The following NR1D1 variants were observed in gnomAD, a reference collection of about 807,000 sequenced individuals.
NR1D1 encodes the protein nuclear receptor subfamily 1 group D member 1, also known as Rev-ErbAalpha.
NR1D1 carries 17 observed loss-of-function variants against 51.1 expected under a neutral mutation model. The ratio of observed to expected loss-of-function variants is 0.33; its 90% CI spans 0.23 to 0.50. The LOEUF is 0.50. Among genes scored for constraint, NR1D1 ranks in the 20% least tolerant of loss-of-function variants. The pLI, the probability that NR1D1 is intolerant of heterozygous loss-of-function variation, is 0.98. For synonymous variants in NR1D1, 341 were observed against 333.4 expected, an observed-to-expected ratio of 1.02 and a Z score of -0.25; for missense variants, 647 against 830.4, an observed-to-expected ratio of 0.78 and a Z score of 2.71.
In NR1D1 at chr17:40,100,045, A is replaced by T; in HGVS notation, c.31+19T>A. 6.3e-7 allele frequency: 1 copy of T among 1,578,948 alleles called. No individual in the cohort carries two copies. Among genetic ancestry groups the T allele is most frequent in the South Asian group, 1.1e-5 (1 of 90,326 alleles). On this transcript the variant is annotated intron_variant, in intron 1 of 7. Coordinates refer to ENST00000246672, the MANE Select transcript of NR1D1 (RefSeq NM_021724.5). ...GAGACAGTGACAGGGAAAAGATGAT[A>T]GTAAAGAAATCTCAGTACCTGTGTT... is the stretch of plus-strand genomic sequence containing the variant.
Position 40,100,172 on chromosome 17 carries a change from T to G in NR1D1, c.-78A>C. 14 of 1,137,314 alleles carry G rather than the reference T, an allele frequency of 1.2e-5. No individual in the cohort carries two copies. Among genetic ancestry groups the G allele is most frequent in the Non-Finnish European group, 1.9e-5 (14 of 747,058 alleles). The allele number at this position is 1,137,314 out of a possible 1,614,324, so 70.5% of individuals were successfully genotyped here. ...GGTTGCGATCGCCGCTGTTGCCCCCTGGGCACTGGCTAAGGGCGGGGAGTG... is the reference window on the plus strand; with the variant it reads ...GGTTGCGATCGCCGCTGTTGCCCCCGGGGCACTGGCTAAGGGCGGGGAGTG... On this transcript the variant is annotated 5_prime_UTR_variant, in exon 1 of 8. Coordinates refer to ENST00000246672, the MANE Select transcript of NR1D1 (RefSeq NM_021724.5).
intron 4 of NR1D1, 112 bp downstream of exon 4, chr17:40,096,331 C>A: frequency 6.7e-7 from 1 of 1,496,142 alleles, no homozygotes; most frequent in Non-Finnish European, 9.2e-7. Context: ...CATCCCCTGG[C>A]ACATGTGATT....
chr17:40,099,420 T>C (rs1987831852), intron 1 of NR1D1, among the ~76,000 whole-genome samples: 1 of 152,266 alleles, frequency 6.6e-6, no homozygotes, highest in South Asian at 2.1e-4. Context: ...CGGCTTCTGC[T>C]GAATGAAAAC....
chr17:40,095,048 T>G lies in NR1D1; in HGVS notation c.1321A>C (p.Met441Leu). ...TVQEIWEDFS[M>L]SFTPAVREVV... ...TCCCGCACAGCGGGCGTGAAGCTCA[T>G]GGAGAAATCCTCCCAGATCTCCTGC... is the stretch of plus-strand genomic sequence containing the variant. Residue 441 changes from methionine to leucine, a missense_variant, in exon 6 of 8, where the codon ATG (methionine) becomes CTG (leucine). Transcript: ENST00000246672. The G allele has an allele frequency of 6.2e-7, 1 of 1,614,102 alleles. No homozygotes were observed. Among genetic ancestry groups the G allele is most frequent in the South Asian group, 1.1e-5 (1 of 91,080 alleles).
rs201026689 is a variant in NR1D1 at position 40,097,359 on chromosome 17, G to A, written c.76C>T (p.Arg26Cys). The A allele has an allele frequency of 2.0e-5, 32 of 1,612,408 alleles. No individual in the cohort carries two copies. The highest frequency in any genetic ancestry group is 4.4e-5 in the South Asian group (4 of 91,004). ...CTATAGAGGGATTCAGGGCTGGTGC[G>A]GCTTGGGGAGGAGCCACTGGAGCCA... The part of the protein sequence containing the change: ...YIGSSGSSPS[R>C]TSPESLYSDN... Residue 26 changes from arginine to cysteine, a missense_variant, in exon 2 of 8, where the codon CGC becomes TGC. By Grantham distance (180) the Arg-to-Cys change is radical (BLOSUM62 -3). Coordinates refer to ENST00000246672, the MANE Select transcript of NR1D1 (RefSeq NM_021724.5).
rs1312295061 is a variant in NR1D1, at chr17:40,093,225, C to A, written c.1703G>T (p.Arg568Leu). The change falls in exon 8 of 8, where the codon CGG (arginine) becomes CTG (leucine). Residue 568 changes from arginine to leucine, a missense_variant. Around this residue, in one of 7 missense-constraint regions of NR1D1, gnomAD observed 155 missense variants for 236.8 expected, o/e 0.65. Coordinates refer to ENST00000246672, the MANE Select transcript of NR1D1 (RefSeq NM_021724.5). This position sits in a 1 kb window ranked among gnomAD's most constrained non-coding sequence, Gnocchi z 5.9. ...CTTCAGCACCAGAGCCCGAAGAGCC[C>A]GCAGCAGCGTCTCCTGGAGCTGCTC... ...SVEQLQETLL[R>L]ALRALVLKNR... 6.2e-7 allele frequency: 1 copy of A among 1,613,662 alleles called. No individual in the cohort carries two copies.
In NR1D1 at chr17:40,095,447, C is replaced by G; in HGVS notation, c.1245G>C (p.Leu415=). 1 of 1,524,790 alleles carries G rather than the reference C, an allele frequency of 6.6e-7. No individual in the cohort carries two copies. 94.5% of individuals were successfully genotyped at this position (1,524,790 alleles called of 1,614,324 possible). ...SPRQGNSKNV[L]LACPMNMYPH... is the part of the protein sequence containing the mutation. ...TCGCCCGCCCCCATGCCCTTACCAG[C>G]AGAACATTCTTTGAGTTGCCCTGCC... The change falls in exon 5 of 8, where the codon CTG becomes CTC. Residue 415 remains leucine (L), a synonymous_variant. Transcript: ENST00000246672.
Position 40,096,091 on chromosome 17 carries a change from C to T in NR1D1, c.605-4G>A. 1 of 1,611,474 alleles carries T rather than the reference C, an allele frequency of 6.2e-7. No homozygotes were observed. Among genetic ancestry groups the T allele is most frequent in the Non-Finnish European group, 8.5e-7 (1 of 1,179,288 alleles). On this transcript the variant is annotated splice_polypyrimidine_tract_variant and splice_region_variant and intron_variant, in intron 4 of 7. Coordinates refer to ENST00000246672, the MANE Select transcript of NR1D1 (RefSeq NM_021724.5). Reference sequence around the variant, plus strand: ...GGGATGCGCCCAAAACGCACAGCTGCAACAGGATGAGAACAGCATCAGGAA... The same window carrying T: ...GGGATGCGCCCAAAACGCACAGCTGTAACAGGATGAGAACAGCATCAGGAA...
chr17:40,095,407 ATCT>A (rs762493497), intron 5 of NR1D1, 34 bp downstream of exon 5: 404 of 1,509,770 alleles, frequency 2.7e-4, no homozygotes, highest in Admixed American at 1.6e-4. Context: ...GGCCCCCCCA[ATCT>A]TCTTAACGCA....
At position 40,100,524 on chromosome 17, in the gene NR1D1, G is replaced by A. The variant is rs992711864; in HGVS notation, c.-430C>T. On this transcript the variant is annotated 5_prime_UTR_variant, in exon 1 of 8. Transcript: ENST00000246672. ...TAAGTAGGTGATGGGGAGAAACGGGGCACCGAGTCGCAAAGAGGCGAGACG... is the reference window on the plus strand; with the variant it reads ...TAAGTAGGTGATGGGGAGAAACGGGACACCGAGTCGCAAAGAGGCGAGACG... The A allele has an allele frequency of 1.1e-5, 5 of 443,926 alleles. No homozygotes were observed. Among genetic ancestry groups the A allele is most frequent in the African/African-American group, 1.0e-4 (5 of 49,812 alleles). 27.5% of individuals were successfully genotyped at this position (443,926 alleles called of 1,614,324 possible).
At chr17:40,096,130 C>A (rs1987757617) in intron 4 of NR1D1, 43 bp from the exon 5 acceptor site, 2 of 1,588,232 alleles carry the variant, frequency 1.3e-6, no homozygotes, top group Non-Finnish European at 1.7e-6. Context: ...CTCAACCATG[C>A]TCACGTGCTT....
Position 40,100,346 on chromosome 17 carries a change from C to T in NR1D1, c.-252G>A, listed in dbSNP as rs989943876. 3.3e-6 allele frequency: 2 copies of T among 601,360 alleles called. No individual in the cohort carries two copies. Among genetic ancestry groups the T allele is most frequent in the South Asian group, 2.0e-5 (1 of 51,080 alleles). The allele number at this position is 601,360 out of a possible 1,614,324, so 37.3% of individuals were successfully genotyped here. On this transcript the variant is annotated 5_prime_UTR_variant, in exon 1 of 8. Coordinates refer to ENST00000246672, the MANE Select transcript of NR1D1 (RefSeq NM_021724.5). ...AGAGAGAGTGTGTAGGGGGAATCAG[C>T]CTGCAGTAGTTCTGGCTAGAAGGTA...
chr17:40,096,875 G>C, intron 2 of NR1D1, 96 bp from the exon 3 acceptor site: 3 of 1,353,612 alleles, frequency 2.2e-6, no homozygotes, highest in Non-Finnish European at 3.1e-6. Context: ...GGAGGGAAAA[G>C]CTAAGGAGGA....
chr17:40,100,006 T>G (rs2145106848), intron 1 of NR1D1, 58 bp downstream of exon 1: 2 of 1,255,846 alleles, frequency 1.6e-6, no homozygotes, highest in Non-Finnish European at 2.3e-6. Flanking sequence ...TTATAAGGCG[T>G]AGATGGAGGT....
intron 6 of NR1D1, among the ~76,000 whole-genome samples, chr17:40,094,526 ATACTGGG>A: frequency 6.6e-6 from 1 of 152,348 alleles, no homozygotes; most frequent in Admixed American, 6.5e-5. Context: ...AAGGACAAAG[ATACTGGG>A]TTCCAAAACC....
intron 4 of NR1D1, 68 bp downstream of exon 4, chr17:40,096,375 T>A: frequency 6.2e-7 from 1 of 1,607,444 alleles, no homozygotes; most frequent in Non-Finnish European, 8.5e-7. Flanking sequence ...GTGACTTTTT[T>A]AAAGGGAAGG....
Position 40,094,115 on chromosome 17 carries a change from A to C in NR1D1, c.1442T>G (p.Met481Arg). ...GTTGAACAACGAAGCAAAGCGCACCATCAGCACCTAGGAGGGAAGGGGAAC... is the reference window on the plus strand; with the variant it reads ...GTTGAACAACGAAGCAAAGCGCACCCTCAGCACCTAGGAGGGAAGGGGAAC... ...LLKAGTFEVL[M>R]VRFASLFNVK... Residue 481 changes from methionine (M) to arginine (R), a missense_variant, in exon 7 of 8, where the codon ATG (methionine) becomes AGG (arginine). Met to Arg is a moderately conservative substitution (Grantham distance 91, BLOSUM62 -1). This residue lies in a region of NR1D1 where 155 missense variants were observed against 236.8 expected (regional missense o/e 0.65). Transcript: ENST00000246672. 1 of 1,613,924 alleles carries C rather than the reference A, an allele frequency of 6.2e-7. No homozygotes were observed. Among genetic ancestry groups the C allele is most frequent in the Non-Finnish European group, 8.5e-7 (1 of 1,180,012 alleles).
rs761722908 is a variant in NR1D1, at chr17:40,094,925, G to C, written c.1434+10C>G. The C allele has an allele frequency of 1.2e-6, 2 of 1,612,858 alleles. No homozygotes were observed. Among genetic ancestry groups the C allele is most frequent in the Middle Eastern group, 1.7e-4 (1 of 6,056 alleles). ...AAAAACAAAAACCAGAAGCATAAAC[G>C]GTCACTCACCTCAAAGGTGCCAGCC... On this transcript the variant is annotated intron_variant, in intron 6 of 7. Transcript: ENST00000246672.
At chr17:40,094,884 G>A (rs370827590) in intron 6 of NR1D1, 51 bp downstream of exon 6, 170 of 1,582,664 alleles carry the variant, frequency 1.1e-4, no homozygotes, top group Non-Finnish European at 1.4e-4. Flanking sequence ...GGCGACAAGC[G>A]AAACTCTGTC....
Sources: allele counts gnomAD v4.1 joint callset (sites outside exome capture counted in the v4.1 genomes callset), GRCh38; gene constraint gnomAD v4.1.1; regional missense constraint gnomAD v4.1.1; non-coding constraint Gnocchi (gnomAD v3.1); transcripts MANE v1.5; gene names NCBI Gene and HGNC (gene_info 2026-07-23, HGNC 2026-07-21).